SIK2: variants seen among roughly 807,000 people sequenced by gnomAD.
The protein encoded by SIK2 is serine/threonine-protein kinase SIK2.
A neutral mutation model predicts 103.2 loss-of-function variants in SIK2; 29 were observed. The observed-to-expected ratio is 0.28, with a 90% confidence interval of 0.21 to 0.38. SIK2 has a LOEUF of 0.38. Ranked by LOEUF, SIK2 falls within the 10% of genes least tolerant of loss-of-function variation. The pLI is 1.00. For synonymous variants in SIK2, 412 were observed against 446.1 expected (o/e 0.92, Z 0.96); for missense variants, 879 against 1,171.0 (o/e 0.75, Z 3.64).
At chr11:111,713,028 G>A (rs1176350851) in intron 9 of SIK2, among the ~76,000 whole-genome samples, 1 of 152,106 alleles carries the variant, frequency 6.6e-6, no homozygotes, top group African/African-American at 2.4e-5. Flanking sequence ...AGCCAGGCGT[G>A]GTGGTACACA....
intron 3 of SIK2, among the ~76,000 whole-genome samples, chr11:111,687,339 A>AC (rs1304683757): frequency 6.6e-6 from 1 of 151,724 alleles, no homozygotes; most frequent in African/African-American, 2.4e-5. Flanking sequence ...ACGTGATGAA[A>AC]CCCCATCTAT....
At chr11:111,648,215 C>A (rs1482505572) in intron 3 of SIK2, among the ~76,000 whole-genome samples, 2 of 152,092 alleles carry the variant, frequency 1.3e-5, no homozygotes, top group Non-Finnish European at 2.9e-5. Context: ...TATATTATTA[C>A]TATTTACTAT....
rs192239334 is a variant in SIK2, at chr11:111,630,109, G to A, written c.316+9707G>A. 8.5e-5 allele frequency among the ~76,000 whole-genome samples: 13 copies of A among 152,178 alleles called. 1 individual carries two copies. The highest frequency in any genetic ancestry group is 1.5e-4 in the Non-Finnish European group (10 of 68,004). Reference sequence around the variant, plus strand: ...TGGGAAAATGTATCCAGAACAAATCGTAGTATAGTAATACAAAGGCAGATG... The same window carrying A: ...TGGGAAAATGTATCCAGAACAAATCATAGTATAGTAATACAAAGGCAGATG... On this transcript the variant is annotated intron_variant, in intron 3 of 14. Transcript: ENST00000304987.
intron 2 of SIK2, among the ~76,000 whole-genome samples, chr11:111,618,625 T>C (rs1168679316): frequency 6.6e-6 from 1 of 152,102 alleles, no homozygotes; most frequent in Non-Finnish European, 1.5e-5. Context: ...ATTGCACCTG[T>C]GAATAGCCAC....
intron 1 of SIK2, among the ~76,000 whole-genome samples, chr11:111,612,194 A>C (rs995867616): frequency 2.0e-5 from 3 of 152,166 alleles, no homozygotes; most frequent in Admixed American, 1.3e-4. Context: ...AATTCATTAG[A>C]GCTTTAAGAC....
intron 3 of SIK2, among the ~76,000 whole-genome samples, chr11:111,670,799 T>C (rs1942614591): frequency 6.6e-6 from 1 of 152,160 alleles, no homozygotes; most frequent in South Asian, 2.1e-4. Flanking sequence ...CAAGAGTGGG[T>C]ACCCCAGGCA....
chr11:111,708,073 ATAGCC>A (rs1943398589), intron 8 of SIK2, among the ~76,000 whole-genome samples: 1 of 152,230 alleles, frequency 6.6e-6, no homozygotes, highest in Admixed American at 6.5e-5. Flanking sequence ...TAAGAAGTTC[ATAGCC>A]TAGTTACAAA....
At chr11:111,692,246 G>A (rs1942958954) in intron 4 of SIK2, among the ~76,000 whole-genome samples, 1 of 149,716 alleles carries the variant, frequency 6.7e-6, no homozygotes, top group Admixed American at 6.7e-5. Flanking sequence ...AGCTACTCCG[G>A]AGGCTGAGGC....
At chr11:111,621,739 A>AC (rs1344668683) in intron 3 of SIK2, among the ~76,000 whole-genome samples, 1 of 151,870 alleles carries the variant, frequency 6.6e-6, no homozygotes, top group Non-Finnish European at 1.5e-5. Context: ...ACATGGTGAA[A>AC]CCCCTCCCTA....
intron 9 of SIK2, among the ~76,000 whole-genome samples, chr11:111,713,716 C>G (rs1000791200): frequency 1.3e-5 from 2 of 152,202 alleles, no homozygotes; most frequent in African/African-American, 4.8e-5. Context: ...CGCCTGTAAT[C>G]GCAGCACTTT....
In SIK2 at chr11:111,629,384, T is replaced by C. The variant is rs1055036548; in HGVS notation, c.316+8982T>C. Among the ~76,000 whole-genome samples the C allele has an allele frequency of 2.0e-5, 3 of 152,326 alleles. No homozygotes were observed. In the South Asian group the frequency reaches 6.2e-4, roughly 32 times the overall value. On this transcript the variant is annotated intron_variant, in intron 3 of 14. Transcript: ENST00000304987. The stretch of plus-strand genomic sequence containing the variant: ...GCCTGTACTGTTAGTAATTATACTT[T>C]AGCACCTGTCAAGAATTCCTGTTGA...
intron 3 of SIK2, among the ~76,000 whole-genome samples, chr11:111,658,394 G>A (rs2135869098): frequency 6.6e-6 from 1 of 152,176 alleles, no homozygotes; most frequent in Admixed American, 6.5e-5. Context: ...CCAAAGTGCT[G>A]GGATTACAGG....
chr11:111,656,297 A>G (rs561040467), intron 3 of SIK2, among the ~76,000 whole-genome samples: 209 of 152,274 alleles, frequency 1.4e-3, no homozygotes, highest in African/African-American at 4.9e-3. Context: ...ACATATTTAT[A>G]TTACTTTTAA....
chr11:111,616,890 G>T (rs1941814032), intron 2 of SIK2, among the ~76,000 whole-genome samples: 1 of 151,910 alleles, frequency 6.6e-6, no homozygotes. Flanking sequence ...CAGAGTTTTG[G>T]TGCTACTGCC....
Position 111,688,996 on chromosome 11 carries a change from A to G in SIK2, c.478+834A>G, listed in dbSNP as rs1036500765. Among the ~76,000 whole-genome samples the G allele has an allele frequency of 6.6e-5, 10 of 152,224 alleles. No individual in the cohort carries two copies. Among genetic ancestry groups the G allele is most frequent in the African/African-American group, 2.4e-4 (10 of 41,462 alleles). ...GAGGGAACAAGCAGTCTACCTGAAG[A>G]GTCAGGGAAGCTTCACAAAGAAGGA... On this transcript the variant is annotated intron_variant, in intron 4 of 14. Transcript: ENST00000304987. The surrounding 1 kb of genome is among the most constrained non-coding windows in gnomAD (Gnocchi z 4.2).
At chr11:111,697,959 G>A (rs902054219) in intron 4 of SIK2, among the ~76,000 whole-genome samples, 1 of 152,164 alleles carries the variant, frequency 6.6e-6, no homozygotes, top group Admixed American at 6.5e-5. Context: ...ACAATGAGCT[G>A]TGATTCACAC....
At chr11:111,617,313 A>G (rs1017851562) in intron 2 of SIK2, among the ~76,000 whole-genome samples, 6 of 152,224 alleles carry the variant, frequency 3.9e-5, no homozygotes, top group African/African-American at 1.4e-4. Flanking sequence ...ATGTTTAAGA[A>G]GGATAATATA....
chr11:111,697,822 C>A (rs554552442), intron 4 of SIK2, among the ~76,000 whole-genome samples: 1 of 151,848 alleles, frequency 6.6e-6, no homozygotes, highest in African/African-American at 2.4e-5. Flanking sequence ...GAGACCTTGT[C>A]TCTACCCAAA....
intron 7 of SIK2, 66 bp from the exon 8 acceptor site, chr11:111,704,919 TAG>T: frequency 1.4e-6 from 2 of 1,473,140 alleles, no homozygotes; most frequent in South Asian, 1.4e-5. Context: ...TCTTTTTTTT[TAG>T]GCATGTGTAG....
Sources: gnomAD v4.1 joint callset for allele counts (sites outside exome capture counted in the v4.1 genomes callset) on GRCh38, gnomAD v4.1.1 for gene constraint, Gnocchi (gnomAD v3.1) non-coding constraint, MANE v1.5 for transcripts, NCBI Gene and HGNC (gene_info 2026-07-23, HGNC 2026-07-21) for gene names.